The following BCAT1 variants were observed in gnomAD, a reference collection of about 807,000 sequenced individuals.
The protein encoded by BCAT1 is branched-chain-amino-acid aminotransferase, cytosolic.
Under a neutral mutation model 52.4 loss-of-function variants are expected in BCAT1, and 48 were observed. The observed-to-expected ratio is 0.92, with a 90% CI of 0.73 to 1.16. The LOEUF is 1.16. Among genes scored for constraint, BCAT1 ranks in the 50% most tolerant of loss-of-function variants. The probability of loss-of-function intolerance (pLI) is 0.00; values close to 1 mark genes in which losing one functional copy is unlikely to be tolerated. For synonymous variants in BCAT1, 167 were observed against 161.3 expected (o/e 1.04, Z -0.27); for missense variants, 451 against 457.1 (o/e 0.99, Z 0.12).
intron 5 of BCAT1, among the ~76,000 whole-genome samples, chr12:24,855,455 A>G (rs1941648383): frequency 6.6e-6 from 1 of 152,086 alleles, no homozygotes; most frequent in Non-Finnish European, 1.5e-5. Context: ...ATCTTGGCTC[A>G]CTGCAACCTC....
At chr12:24,843,398 T>C (rs865849603) in intron 6 of BCAT1, among the ~76,000 whole-genome samples, 3 of 151,996 alleles carry the variant, frequency 2.0e-5, no homozygotes, top group South Asian at 4.2e-4. Flanking sequence ...AGGTCAGGAG[T>C]TCGAGACCAG....
chr12:24,850,761 C>T (rs1471644320), intron 5 of BCAT1, among the ~76,000 whole-genome samples: 2 of 152,166 alleles, frequency 1.3e-5, no homozygotes, highest in African/African-American at 4.8e-5. Flanking sequence ...ACTTTCCTTC[C>T]TCTGTCCATA....
chr12:24,886,996 G>A (rs1007520137), intron 3 of BCAT1, among the ~76,000 whole-genome samples: 5 of 139,748 alleles, frequency 3.6e-5, no homozygotes, highest in Non-Finnish European at 7.6e-5. Context: ...CCAGGAGGTG[G>A]AGATTACAGT....
chr12:24,931,986 A>G (rs1943683173), intron 1 of BCAT1, among the ~76,000 whole-genome samples: 1 of 152,222 alleles, frequency 6.6e-6, no homozygotes, highest in African/African-American at 2.4e-5. Context: ...GACAAAAAAG[A>G]AAATGAACTG....
chr12:24,811,290 A>T lies in BCAT1; in HGVS notation c.*6718T>A, dbSNP rs1315870913. On this transcript the variant is annotated 3_prime_UTR_variant, in exon 11 of 11. Transcript: ENST00000261192. Reference sequence around the variant, plus strand: ...ACTTCCCTTGACCAGAAACCTTGAGACATCATAAAAATGTTAATTTAGCAT... The same window carrying T: ...ACTTCCCTTGACCAGAAACCTTGAGTCATCATAAAAATGTTAATTTAGCAT... 1.3e-5 allele frequency: 2 copies of T among 152,206 alleles called. No individual in the cohort carries two copies. Among genetic ancestry groups the T allele is most frequent in the Non-Finnish European group, 2.9e-5 (2 of 68,030 alleles). The allele number at this position is 152,206 out of a possible 1,614,324, so 9.4% of individuals were successfully genotyped here.
intron 5 of BCAT1, among the ~76,000 whole-genome samples, chr12:24,868,795 C>CT (rs776479438): frequency 1.3e-5 from 2 of 152,106 alleles, no homozygotes; most frequent in East Asian, 3.8e-4. Flanking sequence ...TACTTTAAAA[C>CT]TAAGTACTTC....
Position 24,813,631 on chromosome 12 carries a change from T to A in BCAT1, c.*4377A>T, listed in dbSNP as rs1044998858. On this transcript the variant is annotated 3_prime_UTR_variant, in exon 11 of 11. Transcript: ENST00000261192. ...CATGTACTAGGTTGGTAGTAAATAG[T>A]AAAGAAAGAGAAGGTAATTCACACC... The A allele has an allele frequency of 6.6e-6, 1 of 152,010 alleles. No individual in the cohort carries two copies. The allele number at this position is 152,010 out of a possible 1,614,324, so 9.4% of individuals were successfully genotyped here. A position where few individuals can be genotyped will look rare whatever the true frequency, so the allele number is the denominator to read the frequency against.
chr12:24,872,344 G>C (rs1331930585), intron 5 of BCAT1, among the ~76,000 whole-genome samples: 1 of 152,216 alleles, frequency 6.6e-6, no homozygotes. Flanking sequence ...CTCATCTCCA[G>C]CCTTTCTTCT....
At chr12:24,856,626 C>T (rs1212047111) in intron 5 of BCAT1, among the ~76,000 whole-genome samples, 1 of 150,846 alleles carries the variant, frequency 6.6e-6, no homozygotes, top group African/African-American at 2.5e-5. Flanking sequence ...GCCAGGAGAG[C>T]TCTTACCAGA....
At position 24,901,713 on chromosome 12, in the gene BCAT1, T is replaced by C. The variant is rs1943108222; in HGVS notation, c.78+101A>G. 8.1e-6 allele frequency: 10 copies of C among 1,241,580 alleles called. 1 individual carries two copies. The South Asian group carries it at 1.4e-4, about 17-fold the overall frequency. The allele number at this position is 1,241,580 out of a possible 1,614,324, so 76.9% of individuals were successfully genotyped here. ...AAGTCTGGCAACACAACCTAGGAAC[T>C]GGGTAACCCACACAGTGAAAATTTC... is the stretch of plus-strand genomic sequence containing the variant. On this transcript the variant is annotated intron_variant, in intron 2 of 10. Coordinates refer to ENST00000261192, the MANE Select transcript of BCAT1 (RefSeq NM_005504.7).
intron 1 of BCAT1, 54 bp downstream of exon 1, chr12:24,948,873 G>T: frequency 1.3e-6 from 2 of 1,568,504 alleles, no homozygotes; most frequent in Non-Finnish European, 1.7e-6. Context: ...GAAATCGCCG[G>T]TTCGATTCAC....
chr12:24,825,776 T>C (rs1463565283), intron 10 of BCAT1, among the ~76,000 whole-genome samples: 1 of 152,224 alleles, frequency 6.6e-6, no homozygotes, highest in African/African-American at 2.4e-5. Context: ...ATTGATAGTT[T>C]GCAAATATTT....
intron 1 of BCAT1, among the ~76,000 whole-genome samples, chr12:24,940,213 T>A (rs1235029053): frequency 6.6e-6 from 1 of 152,240 alleles, no homozygotes; most frequent in Non-Finnish European, 1.5e-5. Flanking sequence ...TATAAGGCAC[T>A]TTTAATTAAA....
chr12:24,869,180 C>A (rs1386041090), intron 5 of BCAT1, among the ~76,000 whole-genome samples: 3 of 152,114 alleles, frequency 2.0e-5, no homozygotes, highest in Non-Finnish European at 1.5e-5. Flanking sequence ...AATACATACA[C>A]CACTGATGGG....
At position 24,899,833 on chromosome 12, in the gene BCAT1, G is replaced by A. The variant is rs1056111137; in HGVS notation, c.78+1981C>T. The stretch of plus-strand genomic sequence containing the variant: ...TGCATGTTCTCACTCATACGTGAGA[G>A]CTAAAAAAAAAAGTTGATCTCATGG... On this transcript the variant is annotated intron_variant, in intron 2 of 10. Coordinates refer to ENST00000261192, the MANE Select transcript of BCAT1 (RefSeq NM_005504.7). Among the ~76,000 whole-genome samples the A allele has an allele frequency of 3.7e-5, 5 of 135,580 alleles. No homozygotes were observed. In the East Asian group the frequency reaches 1.2e-3, roughly 32 times the overall value. The allele number at this position is 135,580 out of a possible 152,430, so 88.9% of individuals were successfully genotyped here. A position where few individuals can be genotyped will look rare whatever the true frequency, so the allele number is the denominator to read the frequency against.
rs140511368 is a variant in BCAT1 at position 24,832,930 on chromosome 12, T to G, written c.904-67A>C. The G allele has an allele frequency of 9.6e-4, 1,385 of 1,439,938 alleles. 3 individuals are homozygous for G. Among genetic ancestry groups the G allele is most frequent in the Non-Finnish European group, 1.2e-3 (1,322 of 1,061,116 alleles). 89.2% of individuals were successfully genotyped at this position (1,439,938 alleles called of 1,614,324 possible). A position where few individuals can be genotyped will look rare whatever the true frequency, so the allele number is the denominator to read the frequency against. Reference sequence around the variant, plus strand: ...AAGGCATGCAAAACAATTGCAATACTTACTGTTCTGCTTAACATTCTGATT... The same window carrying G: ...AAGGCATGCAAAACAATTGCAATACGTACTGTTCTGCTTAACATTCTGATT... On this transcript the variant is annotated intron_variant, in intron 8 of 10. Coordinates refer to ENST00000261192, the MANE Select transcript of BCAT1 (RefSeq NM_005504.7).
intron 5 of BCAT1, among the ~76,000 whole-genome samples, chr12:24,859,808 T>C (rs958617682): frequency 6.6e-6 from 1 of 152,136 alleles, no homozygotes; most frequent in African/African-American, 2.4e-5. Flanking sequence ...GTCAATACTT[T>C]AGATATGAGG....
At chr12:24,875,242 G>C (rs2139576788) in intron 5 of BCAT1, among the ~76,000 whole-genome samples, 1 of 152,200 alleles carries the variant, frequency 6.6e-6, no homozygotes, top group South Asian at 2.1e-4. Flanking sequence ...TTACCAACAT[G>C]AATTGCGTAA....
intron 1 of BCAT1, among the ~76,000 whole-genome samples, chr12:24,946,494 T>C (rs1230634954): frequency 6.6e-6 from 1 of 152,252 alleles, no homozygotes; most frequent in African/African-American, 2.4e-5. Flanking sequence ...AGAATTTATA[T>C]TAAAATAACA....
Sources: allele counts gnomAD v4.1 joint callset (sites outside exome capture counted in the v4.1 genomes callset), GRCh38; gene constraint gnomAD v4.1.1; transcripts MANE v1.5; gene names NCBI Gene and HGNC (gene_info 2026-07-23, HGNC 2026-07-21).